The following CCDC33 variants were observed in gnomAD, a reference collection of about 807,000 sequenced individuals.
The protein encoded by CCDC33 is coiled-coil domain containing 33, also known as coiled-coil domain-containing protein 33.
Under a neutral mutation model 91.9 loss-of-function variants are expected in CCDC33, and 94 were observed. That is an observed-to-expected ratio of 1.02 (90% confidence interval 0.87 to 1.21). CCDC33 has a LOEUF of 1.21. Among genes scored for constraint, CCDC33 ranks in the 50% most tolerant of loss-of-function variants. The pLI is 0.00. For missense variants in CCDC33, 940 were observed against 935.5 expected, an observed-to-expected ratio of 1.00 and a Z score of -0.06; for synonymous variants, 396 against 374.5, an observed-to-expected ratio of 1.06 and a Z score of -0.66.
chr15:74,297,333 T>C (rs1192915489), intron 11 of CCDC33, among the ~76,000 whole-genome samples: 3 of 152,170 alleles, frequency 2.0e-5, no homozygotes, highest in African/African-American at 7.2e-5. Context: ...AATAAACCAC[T>C]TGCTCCTGCC....
At chr15:74,331,685 G>A (rs1037067037) in intron 15 of CCDC33, among the ~76,000 whole-genome samples, 12 of 152,122 alleles carry the variant, frequency 7.9e-5, no homozygotes, top group African/African-American at 2.2e-4. Flanking sequence ...TCCCCATACC[G>A]CCAAAGATTC....
At position 74,208,098 on chromosome 15, in the gene CCDC33, G is replaced by A. The variant is rs1351579154; in HGVS notation, n.90-1290G>A. The A allele has an allele frequency of 1.7e-5, 20 of 1,170,510 alleles. No individual in the cohort carries two copies. The Admixed American group carries it at 7.3e-4, about 43-fold the overall frequency. 72.5% of individuals were successfully genotyped at this position (1,170,510 alleles called of 1,614,324 possible). Reference sequence around the variant, plus strand: ...TGTTCTGGTATGAGGGTGGACACTGGTGAGGAGGAGGAGGGTAGCCGGCTG... The same window carrying A: ...TGTTCTGGTATGAGGGTGGACACTGATGAGGAGGAGGAGGGTAGCCGGCTG... On this transcript the variant is annotated intron_variant and non_coding_transcript_variant, in intron 1 of 3. Coordinates refer to the CCDC33 transcript ENST00000558645.
intron 10 of CCDC33, among the ~76,000 whole-genome samples, chr15:74,286,732 T>A (rs962285692): frequency 2.0e-5 from 3 of 152,072 alleles, no homozygotes; most frequent in African/African-American, 7.2e-5. Context: ...GCCTCTCAGA[T>A]GGGTGGCCAC....
At chr15:74,236,882 G>A (rs2075177228) in intron 1 of CCDC33, 142 bp downstream of exon 1, 4 of 787,856 alleles carry the variant, frequency 5.1e-6, no homozygotes, top group Non-Finnish European at 8.2e-6. Flanking sequence ...GAAATGGGGA[G>A]TGAGGTGGTC....
intron 3 of CCDC33, among the ~76,000 whole-genome samples, chr15:74,263,138 G>C (rs1382256189): frequency 6.6e-6 from 1 of 152,202 alleles, no homozygotes; most frequent in African/African-American, 2.4e-5. Flanking sequence ...CCAGGTGTCA[G>C]CCTGAGCCAC....
intron 5 of CCDC33, 37 bp downstream of exon 5, chr15:74,268,495 GT>G: frequency 7.1e-7 from 1 of 1,412,828 alleles, no homozygotes; most frequent in Non-Finnish European, 9.9e-7. Context: ...GGTGGTGGGG[GT>G]GGGAAAGGGC....
chr15:74,216,035 C>G (rs779741762), upstream of CCDC33, among the ~76,000 whole-genome samples: 1 of 152,132 alleles, frequency 6.6e-6, no homozygotes, highest in Non-Finnish European at 1.5e-5. Flanking sequence ...GGCCAGGATA[C>G]GTGCACAAAG....
chr15:74,203,908 G>A, intron 1 of CCDC33, among the ~76,000 whole-genome samples: 1 of 152,092 alleles, frequency 6.6e-6, no homozygotes, highest in East Asian at 1.9e-4. Context: ...TCAGGATGGG[G>A]ATGGGGGTGG....
At chr15:74,260,657 G>A (rs1314924756) in intron 2 of CCDC33, among the ~76,000 whole-genome samples, 3 of 152,134 alleles carry the variant, frequency 2.0e-5, no homozygotes, top group Non-Finnish European at 2.9e-5. Context: ...ATAAACGCGG[G>A]CTCCAAACCC....
intron 11 of CCDC33, among the ~76,000 whole-genome samples, chr15:74,326,456 G>A (rs911763666): frequency 3.3e-5 from 5 of 152,236 alleles, no homozygotes; most frequent in Admixed American, 6.5e-5. Flanking sequence ...TTGGGGTGGG[G>A]TGATTTTCCC....
At chr15:74,263,016 T>C (rs1256919495) in intron 3 of CCDC33, among the ~76,000 whole-genome samples, 1 of 152,200 alleles carries the variant, frequency 6.6e-6, no homozygotes, top group East Asian at 1.9e-4. Context: ...GACCAAGGAC[T>C]CAGCATTGCA....
chr15:74,268,510 G>C, intron 5 of CCDC33, 52 bp downstream of exon 5: 1 of 1,347,674 alleles, frequency 7.4e-7, no homozygotes, highest in Non-Finnish European at 1.1e-6. Flanking sequence ...AAAGGGCCAA[G>C]CTTTGAGCAG....
rs2076223793 is a variant in CCDC33 at position 74,268,385 on chromosome 15, A to G, written c.473A>G (p.Gln158Arg). 6.2e-7 allele frequency: 1 copy of G among 1,606,748 alleles called. No homozygotes were observed. The highest frequency in any genetic ancestry group is 1.3e-5 in the African/African-American group (1 of 74,346). ...GKADEATAKT[Q>R]LYATVVRKSS... Reference sequence around the variant, plus strand: ...GCCGATGAAGCCACTGCCAAGACCCAGTTGTACGCAACAGTCGTTCGGAAG... The same window carrying G: ...GCCGATGAAGCCACTGCCAAGACCCGGTTGTACGCAACAGTCGTTCGGAAG... The change falls in exon 5 of 19, where the codon CAG becomes CGG. Residue 158 changes from glutamine to arginine, a missense_variant. Physicochemically the swap from Gln to Arg is conservative, Grantham distance 43. Transcript: ENST00000398814.
intron 11 of CCDC33, chr15:74,302,215 C>T (rs1354248156): frequency 6.6e-6 from 1 of 152,242 alleles, no homozygotes; most frequent in Non-Finnish European, 1.5e-5. Context: ...TCTCTAAATC[C>T]CCTTCCCCAG....
At chr15:74,267,400 G>A (rs983132888) in intron 4 of CCDC33, among the ~76,000 whole-genome samples, 1 of 152,248 alleles carries the variant, frequency 6.6e-6, no homozygotes, top group Non-Finnish European at 1.5e-5. Flanking sequence ...CACCCCTGGA[G>A]TGAGCAACTG....
At chr15:74,334,232 A>G (rs115960401) in intron 17 of CCDC33, among the ~76,000 whole-genome samples, 1,655 of 148,330 alleles carry the variant, frequency 0.011, 15 homozygotes, top group African/African-American at 0.028. Flanking sequence ...TTCAATGTGC[A>G]ACCAGGGTCA....
intron 10 of CCDC33, among the ~76,000 whole-genome samples, chr15:74,286,814 G>C (rs1266415246): frequency 6.6e-6 from 1 of 152,142 alleles, no homozygotes; most frequent in Non-Finnish European, 1.5e-5. Context: ...GGAGTATAGA[G>C]AGGGTGCATT....
At chr15:74,305,214 T>C (rs967445221) in intron 11 of CCDC33, among the ~76,000 whole-genome samples, 1 of 152,202 alleles carries the variant, frequency 6.6e-6, no homozygotes, top group African/African-American at 2.4e-5. Flanking sequence ...CCCAAAGTGC[T>C]GGGATTACAG....
chr15:74,215,795 C>T (rs1164538955), upstream of CCDC33, among the ~76,000 whole-genome samples: 2 of 150,176 alleles, frequency 1.3e-5, no homozygotes, highest in African/African-American at 2.5e-5. Context: ...CGCTTGAACC[C>T]GGGAGGCAGA....
Sources: allele counts gnomAD v4.1 joint callset (sites outside exome capture counted in the v4.1 genomes callset), GRCh38; gene constraint gnomAD v4.1.1; transcripts MANE v1.5; gene names NCBI Gene and HGNC (gene_info 2026-07-23, HGNC 2026-07-21).